The following THSD7B variants were observed in gnomAD, a reference collection of about 807,000 sequenced individuals.
THSD7B encodes the protein thrombospondin type-1 domain-containing protein 7B.
In THSD7B, 138 loss-of-function variants were observed where a neutral mutation model predicts 213.6. That is an observed-to-expected ratio of 0.65 (90% CI 0.56 to 0.74). The LOEUF (loss-of-function observed/expected upper bound fraction) is 0.74, where lower values mean the gene tolerates loss of function less well. Ranked by LOEUF, THSD7B falls within the 30% of genes least tolerant of loss-of-function variation. The probability of loss-of-function intolerance (pLI) is 0.00; values close to 1 mark genes in which losing one functional copy is unlikely to be tolerated. For synonymous variants in THSD7B, 742 were observed against 687.0 expected (o/e 1.08, Z -1.25); for missense variants, 1,931 against 1,991.5 (o/e 0.97, Z 0.58).
chr2:137,347,523 T>C (rs1287404741), intron 12 of THSD7B, among the ~76,000 whole-genome samples: 1 of 151,222 alleles, frequency 6.6e-6, no homozygotes, highest in Non-Finnish European at 1.5e-5. Flanking sequence ...TTCACTAGGC[T>C]TGTTTGGAAT....
intron 2 of THSD7B, among the ~76,000 whole-genome samples, chr2:137,007,184 C>G (rs1423934994): frequency 6.6e-6 from 1 of 152,132 alleles, no homozygotes; most frequent in Non-Finnish European, 1.5e-5. Flanking sequence ...TAGGCTGTCT[C>G]ACACCTAAGA....
At chr2:137,212,962 A>T (rs1446112427) in intron 7 of THSD7B, among the ~76,000 whole-genome samples, 3 of 150,840 alleles carry the variant, frequency 2.0e-5, no homozygotes, top group Non-Finnish European at 4.4e-5. Context: ...TGTTCAATTC[A>T]GGCCCAGATT....
In THSD7B at chr2:137,118,696, G is replaced by A. The variant is rs935306684; in HGVS notation, c.1369+3403G>A. ...TGTCTTCATTCTGGCCTCAGAGTTG[G>A]CATTAAGAGTACATGACCACACAAG... is the stretch of plus-strand genomic sequence containing the variant. On this transcript the variant is annotated intron_variant, in intron 5 of 27. Coordinates refer to ENST00000409968, the MANE Select transcript of THSD7B (RefSeq NM_001316349.2). Among the ~76,000 whole-genome samples the A allele has an allele frequency of 3.3e-5, 5 of 152,192 alleles. No individual in the cohort carries two copies. In the South Asian group the frequency reaches 1.0e-3, roughly 32 times the overall value.
intron 2 of THSD7B, among the ~76,000 whole-genome samples, chr2:136,960,682 G>A (rs930196184): frequency 1.3e-5 from 2 of 152,032 alleles, no homozygotes; most frequent in Non-Finnish European, 2.9e-5. Flanking sequence ...TTCCCTTCTC[G>A]AATCTCCTTC....
At chr2:137,666,521 T>A (rs1683449921) in intron 26 of THSD7B, among the ~76,000 whole-genome samples, 1 of 149,950 alleles carries the variant, frequency 6.7e-6, no homozygotes, top group Admixed American at 6.8e-5. Context: ...TTGTTTACAA[T>A]AGATTTTGAT....
chr2:137,364,820 G>A (rs184310357), intron 12 of THSD7B, among the ~76,000 whole-genome samples: 4 of 152,164 alleles, frequency 2.6e-5, no homozygotes, highest in African/African-American at 9.7e-5. Flanking sequence ...ACTGCCCAAG[G>A]TAATTTATAG....
intron 10 of THSD7B, among the ~76,000 whole-genome samples, chr2:137,261,292 G>A (rs979633969): frequency 7.2e-5 from 11 of 152,126 alleles, no homozygotes; most frequent in African/African-American, 2.7e-4. Flanking sequence ...CCTCTGCTCA[G>A]TCTCAAAGGA....
intron 2 of THSD7B, among the ~76,000 whole-genome samples, chr2:137,012,828 A>G (rs13410164): frequency 0.071 from 10,805 of 152,290 alleles, 417 homozygotes; most frequent in East Asian, 0.15. Context: ...ATGAACTTAT[A>G]CTTTGTCAAA....
rs533564348 is a variant in THSD7B, at chr2:137,151,693, A to G, written c.1370-8520A>G. Among the ~76,000 whole-genome samples the G allele has an allele frequency of 1.6e-4, 24 of 152,300 alleles. No individual in the cohort carries two copies. The East Asian group carries it at 4.4e-3, about 28-fold the overall frequency. On this transcript the variant is annotated intron_variant, in intron 5 of 27. Coordinates refer to ENST00000409968, the MANE Select transcript of THSD7B (RefSeq NM_001316349.2). ...GTACAAACCAGTAATACAATTATTT[A>G]TTATCAAGTATTATATATTGTACAT...
At chr2:137,592,518 G>A (rs1681884786) in intron 17 of THSD7B, among the ~76,000 whole-genome samples, 1 of 151,796 alleles carries the variant, frequency 6.6e-6, no homozygotes, top group South Asian at 2.1e-4. Context: ...ACTTCATTAT[G>A]ACAAAACTTC....
In THSD7B at chr2:137,516,621, G is replaced by T. The variant is rs569786538; in HGVS notation, c.3139-46600G>T. On this transcript the variant is annotated intron_variant, in intron 15 of 27. Transcript: ENST00000409968. ...TTATGAAGGTCAGGTAATTTATGGA[G>T]TTTTAGCTCAGGTCTGACTTACAGT... Among the ~76,000 whole-genome samples the T allele has an allele frequency of 2.0e-5, 3 of 152,296 alleles. No homozygotes were observed. In the South Asian group the frequency reaches 6.2e-4, roughly 32 times the overall value.
chr2:136,765,837 C>T (rs954145853), intron 1 of THSD7B, 150 bp downstream of exon 1: 1 of 152,248 alleles, frequency 6.6e-6, no homozygotes, highest in Non-Finnish European at 1.5e-5. Flanking sequence ...CGCCCCTTCT[C>T]CCAGCCAGAC....
chr2:136,978,052 G>T (rs1383335614), intron 2 of THSD7B, among the ~76,000 whole-genome samples: 1 of 152,136 alleles, frequency 6.6e-6, no homozygotes, highest in African/African-American at 2.4e-5. Flanking sequence ...GCCAGCCTCA[G>T]CCTCCCAAAG....
chr2:137,557,110 A>G (rs563425469), intron 15 of THSD7B, among the ~76,000 whole-genome samples: 1 of 152,278 alleles, frequency 6.6e-6, no homozygotes, highest in South Asian at 2.1e-4. Flanking sequence ...TTAACACCCC[A>G]CTGTCAACTG....
intron 12 of THSD7B, among the ~76,000 whole-genome samples, chr2:137,402,711 G>C (rs1054010072): frequency 1.6e-4 from 24 of 150,766 alleles, no homozygotes; most frequent in Non-Finnish European, 1.5e-5. Context: ...AGCTACTCTG[G>C]AGGCTGAGGC....
At chr2:137,576,338 C>T (rs1346920130) in intron 17 of THSD7B, among the ~76,000 whole-genome samples, 1 of 152,074 alleles carries the variant, frequency 6.6e-6, no homozygotes, top group African/African-American at 2.4e-5. Flanking sequence ...ATTTAGCAAA[C>T]CTGTTTGAAC....
chr2:137,445,257 G>A (rs1687512843), intron 14 of THSD7B, among the ~76,000 whole-genome samples: 1 of 152,030 alleles, frequency 6.6e-6, no homozygotes, highest in African/African-American at 2.4e-5. Flanking sequence ...TCACTGCTGG[G>A]TATGTAACCA....
chr2:137,224,978 C>G (rs1681462958), intron 7 of THSD7B, among the ~76,000 whole-genome samples: 1 of 151,998 alleles, frequency 6.6e-6, no homozygotes, highest in Non-Finnish European at 1.5e-5. Flanking sequence ...AAAGTATTTT[C>G]TTTTTAATGT....
At chr2:137,639,995 A>T (rs1264132413) in intron 20 of THSD7B, among the ~76,000 whole-genome samples, 1 of 152,010 alleles carries the variant, frequency 6.6e-6, no homozygotes, top group Non-Finnish European at 1.5e-5. Flanking sequence ...ATGAGTTAAG[A>T]CTTTGGGGAA....
Sources: gnomAD v4.1 joint callset for allele counts (sites outside exome capture counted in the v4.1 genomes callset) on GRCh38, gnomAD v4.1.1 for gene constraint, MANE v1.5 for transcripts, NCBI Gene and HGNC (gene_info 2026-07-23, HGNC 2026-07-21) for gene names.